BICD1: variants seen among roughly 807,000 people sequenced by gnomAD.
The protein encoded by BICD1 is protein bicaudal D homolog 1.
Under a neutral mutation model 92.5 loss-of-function variants are expected in BICD1, and 35 were observed. The observed-to-expected ratio is 0.38, with a 90% CI of 0.29 to 0.50. The LOEUF is 0.50. Among genes scored for constraint, BICD1 ranks in the 20% least tolerant of loss-of-function variants. BICD1 has a pLI of 0.93. For synonymous variants in BICD1, 429 were observed against 465.1 expected (o/e 0.92, Z 1.00); for missense variants, 950 against 1,189.8 (o/e 0.80, Z 2.97).
intron 4 of BICD1, among the ~76,000 whole-genome samples, chr12:32,315,067 C>G (rs1318797199): frequency 1.3e-5 from 2 of 152,140 alleles, no homozygotes; most frequent in African/African-American, 4.8e-5. Flanking sequence ...AGGTTTTCCT[C>G]TAAGAGTTTT....
At position 32,338,935 on chromosome 12, in the gene BICD1, G is replaced by C. The variant is rs950480628; in HGVS notation, c.2720G>C (p.Gly907Ala). Residue 907 changes from glycine to alanine, a missense_variant, in exon 8 of 10, where the codon GGG becomes GCG. Around this residue, in one of 5 missense-constraint regions of BICD1, gnomAD observed 179 missense variants for 186.7 expected, o/e 0.96. Coordinates refer to ENST00000652176, the MANE Select transcript of BICD1 (RefSeq NM_001714.4). ...CCTTCCATGAGTGAATTCATCCAAG[G>C]GCACCGGCTCAGCAAGGAAAAAAGG... ...GPPSMSEFIQGHRLSKEKRLT... is the reference protein window; with the variant it reads ...GPPSMSEFIQAHRLSKEKRLT... 9.3e-6 allele frequency: 15 copies of C among 1,607,260 alleles called. No individual in the cohort carries two copies. The highest frequency in any genetic ancestry group is 1.3e-5 in the Non-Finnish European group (15 of 1,177,380).
chr12:32,349,357 C>T (rs973643659), intron 8 of BICD1, among the ~76,000 whole-genome samples: 2 of 152,136 alleles, frequency 1.3e-5, no homozygotes, highest in Admixed American at 1.3e-4. Context: ...CTTCTATCTG[C>T]AAAGAATACT....
intron 2 of BICD1, among the ~76,000 whole-genome samples, chr12:32,226,927 A>G (rs1232304654): frequency 1.3e-5 from 2 of 152,166 alleles, no homozygotes; most frequent in African/African-American, 4.8e-5. Context: ...GTGGGCTCAC[A>G]GTTTCTGGAT....
intron 8 of BICD1, among the ~76,000 whole-genome samples, chr12:32,363,748 C>T (rs1040916705): frequency 3.3e-5 from 5 of 152,176 alleles, no homozygotes; most frequent in Non-Finnish European, 5.9e-5. Context: ...ACACCCTACA[C>T]TTTCCCTATC....
chr12:32,327,207 T>A (rs904382764), intron 4 of BICD1, among the ~76,000 whole-genome samples: 3 of 152,214 alleles, frequency 2.0e-5, no homozygotes, highest in Non-Finnish European at 2.9e-5. Flanking sequence ...CATTGAAGTT[T>A]CGTCAGTATA....
chr12:32,303,940 T>A (rs1392383130), intron 3 of BICD1, among the ~76,000 whole-genome samples: 2 of 152,126 alleles, frequency 1.3e-5, no homozygotes, highest in Non-Finnish European at 2.9e-5. Context: ...CCAGGCGTGG[T>A]GACGGGCACT....
chr12:32,377,350 AT>A (rs1940012612), intron 9 of BICD1, among the ~76,000 whole-genome samples, 189 bp from the exon 10 acceptor site: 2 of 151,930 alleles, frequency 1.3e-5, no homozygotes, highest in African/African-American at 4.8e-5. Flanking sequence ...AATACATTTC[AT>A]TTTTCTTTTT....
intron 1 of BICD1, among the ~76,000 whole-genome samples, chr12:32,151,175 T>C (rs888284403): frequency 1.3e-5 from 2 of 152,192 alleles, no homozygotes; most frequent in African/African-American, 4.8e-5. Flanking sequence ...TATACAAAGC[T>C]GGAAACAGTG....
intron 2 of BICD1, among the ~76,000 whole-genome samples, chr12:32,254,695 A>G (rs1232776995): frequency 6.6e-6 from 1 of 152,164 alleles, no homozygotes; most frequent in Non-Finnish European, 1.5e-5. Flanking sequence ...GAGCCTTTGA[A>G]TTAGATGAAG....
chr12:32,293,928 G>C, intron 2 of BICD1, 66 bp from the exon 3 acceptor site: 2 of 1,482,758 alleles, frequency 1.3e-6, no homozygotes, highest in Admixed American at 2.4e-5. Flanking sequence ...TAACTACCAG[G>C]ACTTTACACC....
intron 4 of BICD1, among the ~76,000 whole-genome samples, chr12:32,317,217 T>C (rs994953223): frequency 6.6e-5 from 10 of 152,230 alleles, no homozygotes; most frequent in Admixed American, 5.2e-4. Context: ...TTTGGGTATA[T>C]ACCCAGTAAT....
At chr12:32,122,204 TGGGA>T (rs1942178353) in intron 1 of BICD1, among the ~76,000 whole-genome samples, 1 of 152,134 alleles carries the variant, frequency 6.6e-6, no homozygotes, top group Non-Finnish European at 1.5e-5. Flanking sequence ...CCCAGCACTT[TGGGA>T]GGCCGAGGTG....
chr12:32,132,894 G>A (rs1003825492), intron 1 of BICD1, among the ~76,000 whole-genome samples: 58 of 152,168 alleles, frequency 3.8e-4, no homozygotes, highest in African/African-American at 1.4e-3. Context: ...AGAGATGATG[G>A]TGGCTTAGAC....
At chr12:32,361,178 C>T (rs895559197) in intron 8 of BICD1, among the ~76,000 whole-genome samples, 2 of 152,172 alleles carry the variant, frequency 1.3e-5, no homozygotes, top group African/African-American at 4.8e-5. Flanking sequence ...TTCTTATCAC[C>T]TCATTTTTAG....
At chr12:32,307,243 T>C (rs1948254299) in intron 4 of BICD1, among the ~76,000 whole-genome samples, 1 of 152,200 alleles carries the variant, frequency 6.6e-6, no homozygotes, top group South Asian at 2.1e-4. Context: ...GGATACCGTA[T>C]GATTAAAAAT....
intron 9 of BICD1, among the ~76,000 whole-genome samples, chr12:32,373,383 T>C (rs1358894813): frequency 1.3e-5 from 2 of 152,304 alleles, no homozygotes; most frequent in East Asian, 3.9e-4. Context: ...GATTGCAGCA[T>C]TTTATGCAAA....
chr12:32,292,979 G>T (rs1227347029), intron 2 of BICD1, among the ~76,000 whole-genome samples: 1 of 152,002 alleles, frequency 6.6e-6, no homozygotes, highest in East Asian at 1.9e-4. Context: ...TTTATATCCT[G>T]TAACTTTACA....
At chr12:32,140,139 T>C (rs1166073230) in intron 1 of BICD1, among the ~76,000 whole-genome samples, 2 of 152,216 alleles carry the variant, frequency 1.3e-5, no homozygotes, top group East Asian at 1.9e-4. Flanking sequence ...TGCCATGTTA[T>C]TGTGGAGTGG....
Position 32,295,844 on chromosome 12 carries a change from G to C in BICD1, c.579+1698G>C, listed in dbSNP as rs563694480. On this transcript the variant is annotated intron_variant, in intron 3 of 9. Transcript: ENST00000652176. ...ATTTTTGTATTTTCAGTAAAGACAGGGTTGTACCATGTTGGCCAAGCTGGT... is the reference window on the plus strand; with the variant it reads ...ATTTTTGTATTTTCAGTAAAGACAGCGTTGTACCATGTTGGCCAAGCTGGT... 4.6e-5 allele frequency among the ~76,000 whole-genome samples: 7 copies of C among 152,114 alleles called. No homozygotes were observed. In the South Asian group the frequency reaches 1.5e-3, roughly 32 times the overall value.
Sources: gnomAD v4.1 joint callset for allele counts (sites outside exome capture counted in the v4.1 genomes callset) on GRCh38, gnomAD v4.1.1 for gene constraint, gnomAD v4.1.1 regional missense constraint, MANE v1.5 for transcripts, NCBI Gene and HGNC (gene_info 2026-07-23, HGNC 2026-07-21) for gene names.